The following TDRD12 variants were observed in gnomAD, a reference collection of about 807,000 sequenced individuals.
TDRD12 encodes tudor domain containing 12.
TDRD12 carries 158 observed loss-of-function variants against 133.5 expected under a neutral mutation model. The observed-to-expected ratio is 1.18, with a 90% CI of 1.04 to 1.35. TDRD12 has a LOEUF of 1.35. Among genes scored for constraint, TDRD12 ranks in the 40% most tolerant of loss-of-function variants. The probability of loss-of-function intolerance (pLI) is 0.00; values close to 1 mark genes in which losing one functional copy is unlikely to be tolerated. For missense variants in TDRD12, 1,443 were observed against 1,321.3 expected (o/e 1.09, Z -1.43); for synonymous variants, 460 against 477.9 (o/e 0.96, Z 0.49).
intron 14 of TDRD12, among the ~76,000 whole-genome samples, chr19:32,795,346 A>G (rs1197134850): frequency 2.6e-5 from 4 of 151,994 alleles, no homozygotes; most frequent in South Asian, 2.1e-4. Flanking sequence ...AAAAAAAAAA[A>G]AAAAAAGAAA....
At chr19:32,722,861 G>T (rs1968731159) in intron 1 of TDRD12, among the ~76,000 whole-genome samples, 1 of 151,678 alleles carries the variant, frequency 6.6e-6, no homozygotes, top group South Asian at 2.1e-4. Flanking sequence ...TATATTTTTG[G>T]TAGAGACGGG....
At chr19:32,760,901 T>A (rs1970130819) in intron 8 of TDRD12, among the ~76,000 whole-genome samples, 2 of 152,196 alleles carry the variant, frequency 1.3e-5, no homozygotes, top group South Asian at 4.1e-4. Flanking sequence ...CCCAAACCAT[T>A]TGAGAATAAG....
chr19:32,817,057 C>A (rs1967204171), intron 26 of TDRD12, among the ~76,000 whole-genome samples: 1 of 152,154 alleles, frequency 6.6e-6, no homozygotes, highest in Non-Finnish European at 1.5e-5. Flanking sequence ...AAAACTTGAC[C>A]AGAGCACTGT....
intron 17 of TDRD12, 58 bp from the exon 18 acceptor site, chr19:32,800,586 T>TTTA: frequency 1.4e-6 from 2 of 1,426,160 alleles, no homozygotes; most frequent in Non-Finnish European, 1.8e-6. Context: ...CTGTGGAAAG[T>TTTA]GGATCTGGAG....
intron 22 of TDRD12, 129 bp downstream of exon 22, chr19:32,807,777 T>G: frequency 1.9e-6 from 1 of 518,306 alleles, no homozygotes; most frequent in African/African-American, 2.0e-5. Context: ...ATACCACCAT[T>G]AGTGCAACCA....
intron 11 of TDRD12, among the ~76,000 whole-genome samples, chr19:32,779,733 C>T (rs1039306971): frequency 3.3e-5 from 5 of 152,160 alleles, no homozygotes; most frequent in Admixed American, 2.0e-4. Context: ...GGGTGAGTCT[C>T]AACTCTGTGT....
chr19:32,829,186 C>T (rs1475764821), exon 10 of TDRD12: 2 of 152,226 alleles, frequency 1.3e-5, no homozygotes, highest in Admixed American at 6.5e-5. Context: ...GCGCCCCGTG[C>T]GCACCAGCTG....
At chr19:32,827,380 T>TCTTTTTTTTTC in exon 10 of TDRD12, 1 of 454,656 alleles carries the variant, frequency 2.2e-6, no homozygotes, top group East Asian at 5.7e-5. Flanking sequence ...TTCTTTTTTT[T>TCTTTTTTTTTC]TTTTTTTTTT....
At chr19:32,790,662 T>G (rs369247355) in intron 12 of TDRD12, 71 bp downstream of exon 12, 373 of 1,551,576 alleles carry the variant, frequency 2.4e-4, no homozygotes, top group Non-Finnish European at 3.1e-4. Flanking sequence ...TCCTTCTCCT[T>G]CCTCCCTCCA....
chr19:32,742,978 T>A, intron 4 of TDRD12, 78 bp downstream of exon 4: 7 of 1,517,406 alleles, frequency 4.6e-6, no homozygotes, highest in Non-Finnish European at 6.2e-6. Flanking sequence ...ATGAAGTCAG[T>A]TCCTCTGTAG....
At chr19:32,731,975 A>G (rs1231780921) in intron 2 of TDRD12, 92 bp downstream of exon 2, 1 of 1,318,886 alleles carries the variant, frequency 7.6e-7, no homozygotes, top group African/African-American at 1.5e-5. Context: ...AAGCTTTTAG[A>G]GTATTTTAGT....
At chr19:32,757,723 C>T (rs1055675704) in intron 8 of TDRD12, among the ~76,000 whole-genome samples, 4 of 152,234 alleles carry the variant, frequency 2.6e-5, no homozygotes, top group Middle Eastern at 3.4e-3. Context: ...CAACCTTGAG[C>T]AAAGCAACTT....
chr19:32,744,273 G>C (rs920013537), intron 4 of TDRD12, among the ~76,000 whole-genome samples: 9 of 151,478 alleles, frequency 5.9e-5, no homozygotes, highest in Admixed American at 5.9e-4. Flanking sequence ...GGCTGAGGCA[G>C]GCGGATCACT....
intron 4 of TDRD12, among the ~76,000 whole-genome samples, chr19:32,744,843 C>A (rs1427826245): frequency 1.3e-5 from 2 of 152,198 alleles, no homozygotes; most frequent in African/African-American, 2.4e-5. Flanking sequence ...CCACAGGGAG[C>A]AGTCCAGTTC....
At chr19:32,774,826 T>TA (rs902144595) in intron 10 of TDRD12, among the ~76,000 whole-genome samples, 17 of 151,450 alleles carry the variant, frequency 1.1e-4, no homozygotes, top group South Asian at 2.1e-4. Flanking sequence ...CTACTGAAAA[T>TA]AAAAAAAAGT....
exon 23 of TDRD12, chr19:32,810,250 G>A (rs1157272352): frequency 1.3e-6 from 2 of 1,518,536 alleles, no homozygotes; most frequent in Non-Finnish European, 1.8e-6. Context: ...GGATTGTATG[G>A]ATTAGCAGAA....
At chr19:32,756,498 C>T (rs1229489197) in intron 7 of TDRD12, among the ~76,000 whole-genome samples, 2 of 152,122 alleles carry the variant, frequency 1.3e-5, no homozygotes, top group African/African-American at 4.8e-5. Context: ...CACCATTCTC[C>T]TGCCTCAGCC....
At chr19:32,767,151 G>A (rs561715232) in intron 8 of TDRD12, among the ~76,000 whole-genome samples, 11 of 147,506 alleles carry the variant, frequency 7.5e-5, no homozygotes, top group South Asian at 2.2e-4. Flanking sequence ...TTTTTGAGAC[G>A]GAGTTTTGCT....
intron 5 of TDRD12, among the ~76,000 whole-genome samples, chr19:32,749,379 A>AAAG (rs1174224035): frequency 3.3e-5 from 5 of 152,220 alleles, no homozygotes; most frequent in African/African-American, 9.6e-5. Context: ...GAACTCAGCG[A>AAAG]AAGAAGGTTT....
Sources: gnomAD v4.1 joint callset for allele counts (sites outside exome capture counted in the v4.1 genomes callset) on GRCh38, gnomAD v4.1.1 for gene constraint, MANE v1.5 for transcripts, NCBI Gene and HGNC (gene_info 2026-07-23, HGNC 2026-07-21) for gene names.